The following WSCD2 variants were observed in gnomAD, a reference collection of about 807,000 sequenced individuals.
WSCD2 encodes the protein WSC domain sialate O sulfotransferase 2.
Under a neutral mutation model 55.7 loss-of-function variants are expected in WSCD2, and 28 were observed. That is an observed-to-expected ratio of 0.50 (90% confidence interval 0.37 to 0.69). WSCD2 has a LOEUF of 0.69. WSCD2 is among the 30% of genes least tolerant of loss of function. WSCD2 has a pLI of 0.00. For missense variants in WSCD2, 616 were observed against 762.1 expected (o/e 0.81, Z 2.26); for synonymous variants, 301 against 301.9 (o/e 1.00, Z 0.03).
In WSCD2 at chr12:108,195,931, C is replaced by G. The variant is rs370666613; in HGVS notation, c.99C>G (p.Val33=). 1.2e-6 allele frequency: 2 copies of G among 1,614,058 alleles called. No individual in the cohort carries two copies. Among genetic ancestry groups the G allele is most frequent in the Non-Finnish European group, 8.5e-7 (1 of 1,180,032 alleles). Residue 33 remains valine (V), a synonymous_variant, in exon 2 of 9, where the codon GTC becomes GTG. Transcript: ENST00000547525. Reference sequence around the variant, plus strand: ...TCTACCTGACTGCTGGGAGCCTTGTCTTCCTTCACTCTGGCTTTGTGGGCC... The same window carrying G: ...TCTACCTGACTGCTGGGAGCCTTGTGTTCCTTCACTCTGGCTTTGTGGGCC... ...LALYLTAGSL[V]FLHSGFVGQP... is the part of the protein sequence containing the mutation.
chr12:108,150,067 T>C (rs1210274355), intron 1 of WSCD2, among the ~76,000 whole-genome samples: 1 of 152,206 alleles, frequency 6.6e-6, no homozygotes, highest in Admixed American at 6.5e-5. Context: ...GATTATTATG[T>C]GCTGGGCATT....
intron 2 of WSCD2, 50 bp downstream of exon 2, chr12:108,196,264 G>A: frequency 1.3e-6 from 2 of 1,530,604 alleles, no homozygotes; most frequent in African/African-American, 2.8e-5. Flanking sequence ...GAAGGGAGGA[G>A]ATACTAACAA....
At position 108,164,138 on chromosome 12, in the gene WSCD2, C is replaced by CTTTTTTTTTT; in HGVS notation, c.-551-31144_-551-31143insTTTTTTTTTT. On this transcript the variant is annotated intron_variant, in intron 1 of 8. Coordinates refer to ENST00000547525, the MANE Select transcript of WSCD2 (RefSeq NM_014653.4). ...TTTATACTGTTGTTTAATCTTAAAT[C>CTTTTTTTTTT]CTTTTTTTTTTTTTTTTTTTTTTTC... 2.1e-3 allele frequency among the ~76,000 whole-genome samples: 149 copies of CTTTTTTTTTT among 71,740 alleles called. 65 individuals carry two copies. Among genetic ancestry groups the CTTTTTTTTTT allele is most frequent in the South Asian group, 4.2e-3 (6 of 1,440 alleles). 47.1% of individuals were successfully genotyped at this position (71,740 alleles called of 152,430 possible). A position where few individuals can be genotyped will look rare whatever the true frequency, so the allele number is the denominator to read the frequency against.
At chr12:108,135,134 G>GTCCGTCCA (rs1565908543) in intron 1 of WSCD2, among the ~76,000 whole-genome samples, 1 of 151,228 alleles carries the variant, frequency 6.6e-6, no homozygotes, top group Non-Finnish European at 1.5e-5. Flanking sequence ...CCTTCCATCC[G>GTCCGTCCA]TCCGTCCATC....
chr12:108,168,586 T>G (rs1211906083), intron 1 of WSCD2, among the ~76,000 whole-genome samples: 2 of 152,214 alleles, frequency 1.3e-5, no homozygotes, highest in Non-Finnish European at 2.9e-5. Context: ...TGTGTCTCAG[T>G]TTCCTTGTCT....
intron 1 of WSCD2, among the ~76,000 whole-genome samples, chr12:108,136,197 A>G (rs1204645881): frequency 1.3e-5 from 2 of 152,190 alleles, no homozygotes; most frequent in Non-Finnish European, 1.5e-5. Flanking sequence ...GGAGACCCAG[A>G]AAGGGAGAGA....
At chr12:108,181,871 A>G (rs1881814882) in intron 1 of WSCD2, among the ~76,000 whole-genome samples, 1 of 152,246 alleles carries the variant, frequency 6.6e-6, no homozygotes, top group Non-Finnish European at 1.5e-5. Flanking sequence ...ACCTGGCCCC[A>G]TGGTAAGCAT....
At chr12:108,174,435 C>T (rs1026353044) in intron 1 of WSCD2, among the ~76,000 whole-genome samples, 1 of 152,094 alleles carries the variant, frequency 6.6e-6, no homozygotes, top group African/African-American at 2.4e-5. Context: ...ATTTCGGGGG[C>T]TCCTATGGGG....
chr12:108,248,248 A>G lies in WSCD2; in HGVS notation c.1603A>G (p.Met535Val). ...CGAGTATGACCCCTATACTGCGGAC[A>G]TGCAGAAGACCATCTCTGCCTACAT... is the stretch of plus-strand genomic sequence containing the variant. ...KLEYDPYTADMQKTISAYIKM... is the reference protein window; with the variant it reads ...KLEYDPYTADVQKTISAYIKM... The change falls in exon 9 of 9, where the codon ATG becomes GTG. Residue 535 changes from methionine (M) to valine (V), a missense_variant. Transcript: ENST00000547525. The surrounding 1 kb of genome is among the most constrained non-coding windows in gnomAD (Gnocchi z 4.3). The G allele has an allele frequency of 6.2e-7, 1 of 1,614,224 alleles. No individual in the cohort carries two copies. The highest frequency in any genetic ancestry group is 8.5e-7 in the Non-Finnish European group (1 of 1,180,054).
At chr12:108,137,774 A>G (rs1357058718) in intron 1 of WSCD2, among the ~76,000 whole-genome samples, 2 of 152,246 alleles carry the variant, frequency 1.3e-5, no homozygotes, top group African/African-American at 4.8e-5. Flanking sequence ...CCCATGGCTA[A>G]ACTAATAAAT....
chr12:108,134,041 G>A (rs567925206), intron 1 of WSCD2, among the ~76,000 whole-genome samples: 109 of 152,176 alleles, frequency 7.2e-4, no homozygotes, highest in Non-Finnish European at 1.3e-3. Flanking sequence ...TGGGGTATGG[G>A]TGGGTCTCTG....
intron 1 of WSCD2, among the ~76,000 whole-genome samples, chr12:108,156,846 G>A (rs1565922591): frequency 6.6e-6 from 1 of 152,172 alleles, no homozygotes; most frequent in African/African-American, 2.4e-5. Flanking sequence ...TTTCCTCTAA[G>A]TCTAGAAACT....
At chr12:108,135,027 C>T (rs1238108890) in intron 1 of WSCD2, among the ~76,000 whole-genome samples, 1 of 152,202 alleles carries the variant, frequency 6.6e-6, no homozygotes, top group African/African-American at 2.4e-5. Context: ...ACATTTCCCC[C>T]CTTCACTCAC....
chr12:108,155,877 C>A (rs1218470510), intron 1 of WSCD2, among the ~76,000 whole-genome samples: 1 of 152,178 alleles, frequency 6.6e-6, no homozygotes, highest in Non-Finnish European at 1.5e-5. Flanking sequence ...GACTCCCAGC[C>A]TCTCCCAGGC....
rs1310160261 is a variant in WSCD2 at position 108,212,613 on chromosome 12, T to TCTCACA, written c.682+2309_682+2310insTCACAC. On this transcript the variant is annotated intron_variant, in intron 4 of 8. Transcript: ENST00000547525. Reference sequence around the variant, plus strand: ...ATTTCTCTCTCTCTCTCTCTCTCTCTCACACACACACACACACACACATTC... The same window carrying TCTCACA: ...ATTTCTCTCTCTCTCTCTCTCTCTCTCTCACACACACACACACACACACACACATTC... Among the ~76,000 whole-genome samples the TCTCACA allele has an allele frequency of 5.1e-3, 702 of 138,632 alleles. 1 individual carries two copies. The highest frequency in any genetic ancestry group is 7.2e-3 in the East Asian group (34 of 4,726). 90.9% of individuals were successfully genotyped at this position (138,632 alleles called of 152,430 possible).
chr12:108,139,840 C>T (rs1876600754), intron 1 of WSCD2, among the ~76,000 whole-genome samples: 1 of 152,224 alleles, frequency 6.6e-6, no homozygotes, highest in African/African-American at 2.4e-5. Context: ...AACTCTCTCA[C>T]ACTGGCTGAA....
chr12:108,217,936 G>GCTGTATCTACAAAGA (rs11273425), intron 4 of WSCD2, among the ~76,000 whole-genome samples: 1 of 151,942 alleles, frequency 6.6e-6, no homozygotes, highest in East Asian at 1.9e-4. Context: ...TCTCTGCAGA[G>GCTGTATCTACAAAGA]CTTCCTTCCT....
intron 1 of WSCD2, among the ~76,000 whole-genome samples, chr12:108,141,318 C>G (rs563726847): frequency 1.3e-5 from 2 of 152,224 alleles, no homozygotes; most frequent in South Asian, 4.2e-4. Flanking sequence ...CTAGGCTGGT[C>G]CCGAACTCCT....
intron 3 of WSCD2, 152 bp from the exon 4 acceptor site, chr12:108,209,969 A>C: frequency 9.5e-7 from 1 of 1,049,848 alleles, no homozygotes; most frequent in Non-Finnish European, 1.4e-6. Context: ...GGGGTCTCCC[A>C]GTTGCCCCAA....
Sources: gnomAD v4.1 joint callset for allele counts (sites outside exome capture counted in the v4.1 genomes callset) on GRCh38, gnomAD v4.1.1 for gene constraint, Gnocchi (gnomAD v3.1) non-coding constraint, MANE v1.5 for transcripts, NCBI Gene and HGNC (gene_info 2026-07-23, HGNC 2026-07-21) for gene names.